Variants in PRPF4 observed in about 807,000 individuals in gnomAD.
The protein encoded by PRPF4 is U4/U6 small nuclear ribonucleoprotein Prp4.
PRPF4 carries 14 observed loss-of-function variants against 72.2 expected under a neutral mutation model. The observed-to-expected ratio is 0.19, with a 90% CI of 0.13 to 0.30. The LOEUF (loss-of-function observed/expected upper bound fraction) is 0.30. Ranked by LOEUF, PRPF4 falls within the 10% of genes least tolerant of loss-of-function variation. PRPF4 has a pLI of 1.00. For synonymous variants in PRPF4, 225 were observed against 232.2 expected, an observed-to-expected ratio of 0.97 and a Z score of 0.28; for missense variants, 478 against 653.9, an observed-to-expected ratio of 0.73 and a Z score of 2.93.
In PRPF4 at chr9:113,291,059, C is replaced by G. The variant is rs766212294; in HGVS notation, c.1372+43C>G. On this transcript the variant is annotated intron_variant, in intron 13 of 13. Transcript: ENST00000374198. The stretch of plus-strand genomic sequence containing the variant: ...TTTACGTCTAAATGACACAGACAAA[C>G]AGTATTGTGTTCCCGTGGAATGCAG... The G allele has an allele frequency of 2.6e-6, 4 of 1,548,816 alleles. No individual in the cohort carries two copies. In the South Asian group the frequency reaches 4.5e-5, roughly 17 times the overall value.
At chr9:113,286,349 T>G (rs929685432) in intron 8 of PRPF4, 59 bp downstream of exon 8, 6 of 1,461,080 alleles carry the variant, frequency 4.1e-6, no homozygotes, top group Non-Finnish European at 5.8e-6. Context: ...CAGTTAAGCC[T>G]TAAACTCTGC....
chr9:113,282,544 G>A (rs1832312470), intron 3 of PRPF4, 102 bp from the exon 4 acceptor site: 5 of 868,758 alleles, frequency 5.8e-6, no homozygotes, highest in Admixed American at 2.8e-5. Flanking sequence ...CCATCTTAGG[G>A]GAACTTTAAT....
intron 3 of PRPF4, 58 bp from the exon 4 acceptor site, chr9:113,282,588 A>T: frequency 1.5e-6 from 2 of 1,333,124 alleles, no homozygotes; most frequent in Non-Finnish European, 1.0e-6. Flanking sequence ...AGTGTACTTT[A>T]AAAACAGTAT....
chr9:113,275,741 A>G lies in PRPF4; in HGVS notation c.-3A>G, dbSNP rs1463889272. 1 of 1,612,106 alleles carries G rather than the reference A, an allele frequency of 6.2e-7. No individual in the cohort carries two copies. The highest frequency in any genetic ancestry group is 1.7e-5 in the Admixed American group (1 of 59,898). ...CTGGGGCCTCGCGGCTCCAGAGCCC[A>G]GCATGGCTTCCTCGCGAGCCTCTTC... is the stretch of plus-strand genomic sequence containing the variant. On this transcript the variant is annotated 5_prime_UTR_variant, in exon 1 of 14. Coordinates refer to ENST00000374198, the MANE Select transcript of PRPF4 (RefSeq NM_001244926.2).
In PRPF4 at chr9:113,283,354, C is replaced by G. The variant is rs778823075; in HGVS notation, c.561-35C>G. The G allele has an allele frequency of 1.2e-5, 19 of 1,613,824 alleles. No individual in the cohort carries two copies. In the South Asian group the frequency reaches 1.8e-4, roughly 15 times the overall value. On this transcript the variant is annotated intron_variant, in intron 5 of 13. Coordinates refer to ENST00000374198, the MANE Select transcript of PRPF4 (RefSeq NM_001244926.2). ...TACATGTGGGTCCTTGTTTACAACC[C>G]TGTTGCTCCTGGTGATGGTGTTTCT...
intron 3 of PRPF4, among the ~76,000 whole-genome samples, chr9:113,280,389 A>G (rs1268101901): frequency 6.6e-6 from 1 of 152,102 alleles, no homozygotes; most frequent in Admixed American, 6.6e-5. Flanking sequence ...CAAATCTCTC[A>G]CTGCAGCTTA....
chr9:113,288,993 A>T (rs1265833541), intron 10 of PRPF4, among the ~76,000 whole-genome samples: 6 of 152,212 alleles, frequency 3.9e-5, no homozygotes, highest in African/African-American at 1.4e-4. Context: ...CACCTCTGTC[A>T]ATATAGAGAA....
chr9:113,279,944 T>C (rs1422483159), intron 3 of PRPF4, among the ~76,000 whole-genome samples: 1 of 152,206 alleles, frequency 6.6e-6, no homozygotes, highest in African/African-American at 2.4e-5. Flanking sequence ...CACACAATTA[T>C]GAGGAGCCCC....
chr9:113,283,487 GA>G lies in PRPF4; in HGVS notation c.654+6del, dbSNP rs746617705. 2.6e-5 allele frequency: 42 copies of G among 1,613,576 alleles called. No individual in the cohort carries two copies. In the South Asian group the frequency reaches 4.3e-4, roughly 16 times the overall value. ...GAGCTGCACAAGTCTCTCCGGGTAAGATGCTCCCAGCAATTGTCCCACATCT... is the reference window on the plus strand; with the variant it reads ...GAGCTGCACAAGTCTCTCCGGGTAAGTGCTCCCAGCAATTGTCCCACATCT... On this transcript the variant is annotated splice_donor_region_variant and intron_variant, in intron 6 of 13. Transcript: ENST00000374198.
At chr9:113,281,124 G>A (rs955188258) in intron 3 of PRPF4, among the ~76,000 whole-genome samples, 6 of 152,194 alleles carry the variant, frequency 3.9e-5, no homozygotes, top group African/African-American at 1.2e-4. Context: ...CTCCCAAAGT[G>A]CTGGGATTAC....
At chr9:113,290,289 A>G (rs1290463473) in intron 10 of PRPF4, among the ~76,000 whole-genome samples, 177 bp from the exon 11 acceptor site, 1 of 152,094 alleles carries the variant, frequency 6.6e-6, no homozygotes. Flanking sequence ...CACCTAAGGC[A>G]GATAAGCTTA....
In PRPF4 at chr9:113,291,381, A is replaced by C. The variant is rs185459684; in HGVS notation, c.1373-86A>C. On this transcript the variant is annotated intron_variant, in intron 13 of 13. Coordinates refer to ENST00000374198, the MANE Select transcript of PRPF4 (RefSeq NM_001244926.2). The stretch of plus-strand genomic sequence containing the variant: ...TGTAGAAACAAGTTTTTTTAAAAAT[A>C]GTATGTTTTTGCAGACTTTTGTGCT... 6 of 1,357,342 alleles carry C rather than the reference A, an allele frequency of 4.4e-6. No homozygotes were observed. In the African/African-American group the frequency reaches 8.8e-5, roughly 20 times the overall value. The allele number at this position is 1,357,342 out of a possible 1,614,324, so 84.1% of individuals were successfully genotyped here. A position where few individuals can be genotyped will look rare whatever the true frequency, so the allele number is the denominator to read the frequency against.
chr9:113,277,891 T>C (rs986981724), intron 2 of PRPF4, among the ~76,000 whole-genome samples: 3 of 152,074 alleles, frequency 2.0e-5, no homozygotes, highest in African/African-American at 7.2e-5. Context: ...TCCCAGCTAA[T>C]TGGGGTTCTG....
Position 113,290,760 on chromosome 9 carries a change from A to G in PRPF4, c.1206A>G (p.Leu402=). 6.2e-7 allele frequency: 1 copy of G among 1,614,212 alleles called. No individual in the cohort carries two copies. The highest frequency in any genetic ancestry group is 8.5e-7 in the Non-Finnish European group (1 of 1,180,036). The part of the protein sequence containing the change: ...DLRTGRCIMF[L]EGHLKEIYGI... ...GCACAGGACGTTGTATCATGTTCTT[A>G]GAAGGCCACCTGAAAGAAATCTATG... Residue 402 remains leucine (L), a synonymous_variant, in exon 12 of 14, where the codon TTA becomes TTG. Coordinates refer to ENST00000374198, the MANE Select transcript of PRPF4 (RefSeq NM_001244926.2).
rs781155243 is a variant in PRPF4 at position 113,290,914 on chromosome 9, G to A, written c.1270G>A (p.Gly424Ser). 7.2e-5 allele frequency: 117 copies of A among 1,613,956 alleles called. No homozygotes were observed. The highest frequency in any genetic ancestry group is 8.9e-5 in the East Asian group (4 of 44,888). ...AATCCACAGCTATCACATTGCAACCGGCAGTGGTGACAACACCTGCAAAGT... is the reference window on the plus strand; with the variant it reads ...AATCCACAGCTATCACATTGCAACCAGCAGTGGTGACAACACCTGCAAAGT... ...FSPNGYHIAT[G>S]SGDNTCKVWD... The change falls in exon 13 of 14, where the codon GGC (glycine) becomes AGC (serine). Residue 424 changes from glycine (G) to serine (S), a missense_variant. Coordinates refer to ENST00000374198, the MANE Select transcript of PRPF4 (RefSeq NM_001244926.2).
At chr9:113,286,428 A>G (rs1022324489) in intron 8 of PRPF4, 138 bp downstream of exon 8, 2 of 929,520 alleles carry the variant, frequency 2.2e-6, no homozygotes, top group Non-Finnish European at 3.4e-6. Context: ...CTCTGGCTGC[A>G]AGACTGGACT....
At position 113,278,940 on chromosome 9, in the gene PRPF4, A is replaced by T; in HGVS notation, c.206-5A>T. On this transcript the variant is annotated splice_polypyrimidine_tract_variant and splice_region_variant and intron_variant, in intron 2 of 13. Coordinates refer to ENST00000374198, the MANE Select transcript of PRPF4 (RefSeq NM_001244926.2). ...TGCTGATGTTGCCTGTTTTCTTTTT[A>T]ATAGGAGAAGTGTTTGAAATTGAAG... is the stretch of plus-strand genomic sequence containing the variant. 2 of 1,613,540 alleles carry T rather than the reference A, an allele frequency of 1.2e-6. No homozygotes were observed. The highest frequency in any genetic ancestry group is 1.7e-6 in the Non-Finnish European group (2 of 1,179,628).
intron 13 of PRPF4, 108 bp downstream of exon 13, chr9:113,291,124 A>G: frequency 1.7e-6 from 2 of 1,153,890 alleles, no homozygotes; most frequent in South Asian, 1.3e-5. Flanking sequence ...ACAGGAGAGA[A>G]ATTGACCTAC....
chr9:113,288,935 T>C (rs562754932), intron 10 of PRPF4, among the ~76,000 whole-genome samples: 1 of 152,318 alleles, frequency 6.6e-6, no homozygotes, highest in African/African-American at 2.4e-5. Context: ...TTATTTTAAG[T>C]GTACAATGCT....
Sources: allele counts gnomAD v4.1 joint callset (sites outside exome capture counted in the v4.1 genomes callset), GRCh38; gene constraint gnomAD v4.1.1; transcripts MANE v1.5; gene names NCBI Gene and HGNC (gene_info 2026-07-23, HGNC 2026-07-21).